The following NUBPL variants were observed in gnomAD, a reference collection of about 807,000 sequenced individuals.
NUBPL encodes iron-sulfur cluster transfer protein NUBPL.
NUBPL carries 31 observed loss-of-function variants against 45.7 expected under a neutral mutation model. That is an observed-to-expected ratio of 0.68 (90% confidence interval 0.51 to 0.92). The LOEUF (loss-of-function observed/expected upper bound fraction) is 0.92. NUBPL is among the 40% of genes least tolerant of loss of function. The pLI, the probability that NUBPL is intolerant of heterozygous loss-of-function variation, is 0.00. For missense variants in NUBPL, 401 were observed against 398.7 expected (o/e 1.01, Z -0.05); for synonymous variants, 144 against 140.9 (o/e 1.02, Z -0.15).
intron 6 of NUBPL, among the ~76,000 whole-genome samples, chr14:31,763,058 C>G (rs1410164350): frequency 6.6e-6 from 1 of 152,082 alleles, no homozygotes; most frequent in Non-Finnish European, 1.5e-5. Context: ...CATCACGGGT[C>G]TATGTGAGAA....
chr14:31,672,861 G>C (rs1230667144), intron 4 of NUBPL, among the ~76,000 whole-genome samples: 1 of 152,178 alleles, frequency 6.6e-6, no homozygotes, highest in Non-Finnish European at 1.5e-5. Context: ...TGTTTAAACT[G>C]TTGCAAATTG....
At chr14:31,817,996 G>GA (rs982071801) in intron 7 of NUBPL, among the ~76,000 whole-genome samples, 7 of 151,826 alleles carry the variant, frequency 4.6e-5, no homozygotes, top group African/African-American at 7.2e-5. Flanking sequence ...GAAAAAAAAG[G>GA]AAAAAAAGCA....
At chr14:31,570,064 A>G (rs1181251809) in intron 3 of NUBPL, among the ~76,000 whole-genome samples, 1 of 152,168 alleles carries the variant, frequency 6.6e-6, no homozygotes, top group Non-Finnish European at 1.5e-5. Flanking sequence ...TAGTTCAGCA[A>G]ACATTTATTG....
chr14:31,732,911 C>A (rs2038084161), intron 6 of NUBPL, among the ~76,000 whole-genome samples: 1 of 152,028 alleles, frequency 6.6e-6, no homozygotes, highest in Non-Finnish European at 1.5e-5. Flanking sequence ...CCGCGCCCGG[C>A]CTATTCTTTT....
chr14:31,788,863 T>C (rs1252231333), intron 7 of NUBPL, among the ~76,000 whole-genome samples: 1 of 152,206 alleles, frequency 6.6e-6, no homozygotes, highest in Non-Finnish European at 1.5e-5. Flanking sequence ...TAGCTATCTG[T>C]CTGCTCTAAC....
intron 6 of NUBPL, among the ~76,000 whole-genome samples, chr14:31,776,791 A>T (rs76744895): frequency 0.036 from 5,495 of 152,306 alleles, 129 homozygotes; most frequent in African/African-American, 0.076. Flanking sequence ...AAAAGGGGTG[A>T]CAACCACTCT....
intron 8 of NUBPL, among the ~76,000 whole-genome samples, chr14:31,843,398 TG>T (rs1448472342): frequency 6.6e-6 from 1 of 152,230 alleles, no homozygotes; most frequent in Non-Finnish European, 1.5e-5. Context: ...GCCCAGGATT[TG>T]TGTTTGTCTA....
At chr14:31,847,932 T>G (rs1015249660) in intron 9 of NUBPL, among the ~76,000 whole-genome samples, 1 of 152,224 alleles carries the variant, frequency 6.6e-6, no homozygotes, top group Non-Finnish European at 1.5e-5. Context: ...AGATTGACAT[T>G]CGCTTATATA....
chr14:31,703,114 CAGG>C (rs1342009104), intron 6 of NUBPL: 3 of 152,058 alleles, frequency 2.0e-5, no homozygotes, highest in Admixed American at 2.0e-4. Context: ...ATTCTTTTTG[CAGG>C]AGGAGAAGTT....
intron 10 of NUBPL, among the ~76,000 whole-genome samples, chr14:31,856,179 G>A (rs2040615370): frequency 6.6e-6 from 1 of 152,130 alleles, no homozygotes; most frequent in Non-Finnish European, 1.5e-5. Context: ...ATGGCAAGGA[G>A]GAACAAGTCA....
intron 4 of NUBPL, among the ~76,000 whole-genome samples, chr14:31,658,724 A>G (rs2036200660): frequency 6.6e-6 from 1 of 151,914 alleles, no homozygotes; most frequent in South Asian, 2.1e-4. Flanking sequence ...GTTGGCCAGG[A>G]TGGTCTTAAA....
intron 4 of NUBPL, among the ~76,000 whole-genome samples, chr14:31,607,135 C>T (rs1348667771): frequency 1.3e-5 from 2 of 152,146 alleles, no homozygotes; most frequent in East Asian, 1.9e-4. Context: ...AATCCTAGCA[C>T]TTCGTGAGGC....
chr14:31,583,968 G>A (rs551409848), intron 3 of NUBPL, among the ~76,000 whole-genome samples: 4 of 152,230 alleles, frequency 2.6e-5, no homozygotes, highest in African/African-American at 9.6e-5. Context: ...TTCAAGTTTG[G>A]TACACAAAAT....
At chr14:31,754,863 A>G in intron 6 of NUBPL, among the ~76,000 whole-genome samples, 1 of 84,658 alleles carries the variant, frequency 1.2e-5, no homozygotes, top group African/African-American at 4.7e-5. Flanking sequence ...CCCACCCCAC[A>G]ACAGTCCCCA....
intron 7 of NUBPL, among the ~76,000 whole-genome samples, chr14:31,814,837 A>G (rs1018926753): frequency 1.3e-5 from 2 of 152,150 alleles, no homozygotes; most frequent in Non-Finnish European, 2.9e-5. Flanking sequence ...GTTAAAGATC[A>G]GATGGTTGTA....
At chr14:31,754,815 A>T (rs2038619072) in intron 6 of NUBPL, among the ~76,000 whole-genome samples, 2 of 148,250 alleles carry the variant, frequency 1.3e-5, no homozygotes, top group African/African-American at 2.5e-5. Flanking sequence ...GTCATTTAGC[A>T]TTAGGTATAT....
chr14:31,567,101 T>C (rs1179272897), intron 3 of NUBPL, among the ~76,000 whole-genome samples: 1 of 152,234 alleles, frequency 6.6e-6, no homozygotes, highest in East Asian at 1.9e-4. Flanking sequence ...AACTAGATTC[T>C]AGTTAACTAT....
chr14:31,673,202 A>G (rs1448459865), intron 4 of NUBPL, among the ~76,000 whole-genome samples, 153 bp from the exon 5 acceptor site: 1 of 152,192 alleles, frequency 6.6e-6, no homozygotes, highest in Non-Finnish European at 1.5e-5. Flanking sequence ...ACTACAATGT[A>G]GACATGTATC....
chr14:31,693,970 C>G (rs1326630133), intron 6 of NUBPL, among the ~76,000 whole-genome samples: 1 of 151,534 alleles, frequency 6.6e-6, no homozygotes, highest in Admixed American at 6.6e-5. Flanking sequence ...ATTCTCCTGC[C>G]TCAGCCTCCT....
Sources: gnomAD v4.1 joint callset for allele counts (sites outside exome capture counted in the v4.1 genomes callset) on GRCh38, gnomAD v4.1.1 for gene constraint, MANE v1.5 for transcripts, NCBI Gene and HGNC (gene_info 2026-07-23, HGNC 2026-07-21) for gene names.